The following HMX1 variants were observed in gnomAD, a reference collection of about 807,000 sequenced individuals.
The protein encoded by HMX1 is H6 family homeobox 1.
HMX1 carries 8 observed loss-of-function variants against 8.9 expected under a neutral mutation model. The observed-to-expected ratio is 0.90, with a 90% CI of 0.53 to 1.63. The LOEUF (loss-of-function observed/expected upper bound fraction) is 1.63. Ranked by LOEUF, HMX1 falls within the 40% of genes most tolerant of loss-of-function variation. The pLI is 0.00. For missense variants in HMX1, 621 were observed against 558.5 expected (o/e 1.11, Z -1.13); for synonymous variants, 311 against 283.4 (o/e 1.10, Z -0.98).
At chr4:8,850,581 C>A (rs1721416189) in intron 1 of HMX1, among the ~76,000 whole-genome samples, 1 of 152,196 alleles carries the variant, frequency 6.6e-6, no homozygotes, top group African/African-American at 2.4e-5. Flanking sequence ...AGCATCCGCA[C>A]CTCACCCCAC....
rs1309415860 is a variant in HMX1 at position 8,847,283 on chromosome 4, AT to A, written c.395-960del. On this transcript the variant is annotated intron_variant, in intron 1 of 1. Coordinates refer to the HMX1 transcript ENST00000506970. This position sits in a 1 kb window ranked among gnomAD's most constrained non-coding sequence, Gnocchi z 6.0. ...ACTCTGTCTTTAAAAATTAAAAAAA[AT>A]AATAATTTAATTTAATTTAAAAAGC... 1.3e-5 allele frequency among the ~76,000 whole-genome samples: 2 copies of A among 152,166 alleles called. No homozygotes were observed. Among genetic ancestry groups the A allele is most frequent in the South Asian group, 2.1e-4 (1 of 4,828 alleles).
Position 8,868,026 on chromosome 4 carries a change from G to A in HMX1, c.714C>T (p.Ala238=), listed in dbSNP as rs541897294. ...CCTGCGTCTCGGTGAGCTGCAGGGA[G>A]GCGGCCAGGCCGGCGCGCTCGGCGC... ...LSSAERAGLA[A]SLQLTETQVK... The change falls in exon 2 of 2, where the codon GCC becomes GCT. Residue 238 remains alanine (A), a synonymous_variant. Coordinates refer to ENST00000400677, the MANE Select transcript of HMX1 (RefSeq NM_018942.3). This position sits in a 1 kb window ranked among gnomAD's most constrained non-coding sequence, Gnocchi z 4.6. 2.1e-3 allele frequency: 3,234 copies of A among 1,541,158 alleles called. 7 individuals are homozygous for A. The highest frequency in any genetic ancestry group is 2.6e-3 in the Non-Finnish European group (3,011 of 1,145,150).
chr4:8,862,023 T>C (rs1577197429), intron 1 of HMX1, among the ~76,000 whole-genome samples: 1 of 152,186 alleles, frequency 6.6e-6, no homozygotes, highest in Non-Finnish European at 1.5e-5. Flanking sequence ...TCCTCCCTGA[T>C]ATGTCCTCGA....
At chr4:8,862,998 T>G (rs973148533), downstream of HMX1, among the ~76,000 whole-genome samples, 6 of 152,224 alleles carry the variant, frequency 3.9e-5, no homozygotes, top group Admixed American at 3.9e-4. Context: ...TGATCCGCCT[T>G]GGGGACCTGG....
intron 1 of HMX1, among the ~76,000 whole-genome samples, chr4:8,861,053 C>A (rs1035205453): frequency 6.6e-6 from 1 of 151,334 alleles, no homozygotes; most frequent in Non-Finnish European, 1.5e-5. Flanking sequence ...CCCGGGCGGC[C>A]GGAGACGGTG....
At chr4:8,861,003 A>AG (rs1721791370) in intron 1 of HMX1, among the ~76,000 whole-genome samples, 1 of 24,896 alleles carries the variant, frequency 4.0e-5, no homozygotes. Flanking sequence ...AACCGCGGGG[A>AG]GGGGGCGGGG....
At chr4:8,859,873 G>A (rs183633779) in intron 1 of HMX1, among the ~76,000 whole-genome samples, 13 of 152,356 alleles carry the variant, frequency 8.5e-5, no homozygotes, top group East Asian at 1.9e-4. Flanking sequence ...CCATTCCAGA[G>A]CAGGCGCGGG....
At chr4:8,866,996 C>G (rs950564446), downstream of HMX1, 1 of 883,152 alleles carries the variant, frequency 1.1e-6, no homozygotes, top group African/African-American at 1.8e-5. Context: ...GGGACGGCAC[C>G]CAGCGCAGCT....
intron 1 of HMX1, among the ~76,000 whole-genome samples, chr4:8,860,256 C>G (rs573534697): frequency 3.9e-5 from 6 of 152,180 alleles, no homozygotes; most frequent in African/African-American, 9.7e-5. Flanking sequence ...CCGCTGGGAC[C>G]GATATACTGC....
downstream of HMX1, among the ~76,000 whole-genome samples, chr4:8,862,855 G>T (rs1005147535): frequency 6.6e-6 from 1 of 152,150 alleles, no homozygotes; most frequent in Non-Finnish European, 1.5e-5. Flanking sequence ...TGTTCTCGGC[G>T]CCCGATCCTG....
chr4:8,849,820 G>A lies in HMX1; in HGVS notation c.395-3496C>T, dbSNP rs1452594518. ...AGCTGGAACAGCCCCTCCGGGCATC[G>A]GGTGTGGTCTGCCATTTGTCATTTA... On this transcript the variant is annotated intron_variant, in intron 1 of 1. Coordinates refer to the HMX1 transcript ENST00000506970. This position sits in a 1 kb window ranked among gnomAD's most constrained non-coding sequence, Gnocchi z 6.6. Among the ~76,000 whole-genome samples the A allele has an allele frequency of 6.6e-6, 1 of 152,298 alleles. No homozygotes were observed. Among genetic ancestry groups the A allele is most frequent in the South Asian group, 2.1e-4 (1 of 4,828 alleles).
chr4:8,870,617 G>T lies in HMX1; in HGVS notation c.394+604C>A, dbSNP rs949311607. ...CACAGAGGAAACAGGACTCTGGGGG[G>T]GCACAGCTGCCATGTTAGATGGCTC... On this transcript the variant is annotated intron_variant, in intron 1 of 1. Transcript: ENST00000400677. This position sits in a 1 kb window ranked among gnomAD's most constrained non-coding sequence, Gnocchi z 4.4. Among the ~76,000 whole-genome samples the T allele has an allele frequency of 3.3e-5, 5 of 152,100 alleles. No individual in the cohort carries two copies. Among genetic ancestry groups the T allele is most frequent in the African/African-American group, 7.2e-5 (3 of 41,422 alleles).
At chr4:8,860,276 G>C (rs959579054) in intron 1 of HMX1, among the ~76,000 whole-genome samples, 1 of 152,224 alleles carries the variant, frequency 6.6e-6, no homozygotes, top group Admixed American at 6.5e-5. Context: ...CAGGAGTCCG[G>C]GCACAGGCTG....
In HMX1 at chr4:8,868,926, TAGG is replaced by T. The variant is rs750893814; in HGVS notation, c.395-584_395-582del. Among the ~76,000 whole-genome samples the T allele has an allele frequency of 5.2e-4, 79 of 152,124 alleles. No individual in the cohort carries two copies. The highest frequency in any genetic ancestry group is 6.8e-3 in the Middle Eastern group (2 of 292). On this transcript the variant is annotated intron_variant, in intron 1 of 1. Coordinates refer to ENST00000400677, the MANE Select transcript of HMX1 (RefSeq NM_018942.3). The surrounding 1 kb of genome is among the most constrained non-coding windows in gnomAD (Gnocchi z 4.6). ...CCGCTTGCACAGAAACATTCCATAG[TAGG>T]AGGACAAACCAATGCAAAGGATCCC...
chr4:8,857,437 C>T (rs1432638765), intron 1 of HMX1, among the ~76,000 whole-genome samples: 1 of 152,180 alleles, frequency 6.6e-6, no homozygotes, highest in Non-Finnish European at 1.5e-5. Flanking sequence ...CTTCCTCCTT[C>T]CCCCGCGGCT....
downstream of HMX1, among the ~76,000 whole-genome samples, chr4:8,865,774 G>C (rs1721976066): frequency 6.6e-6 from 1 of 152,120 alleles, no homozygotes; most frequent in Non-Finnish European, 1.5e-5. Context: ...TAGTTTTATT[G>C]AGGCCTAACC....
chr4:8,852,589 T>C (rs1287389834), intron 1 of HMX1, among the ~76,000 whole-genome samples: 4 of 152,202 alleles, frequency 2.6e-5, no homozygotes, highest in African/African-American at 9.6e-5. Context: ...CCCACCCCTG[T>C]GTCTGAGCTC....
chr4:8,854,558 T>C (rs1721553226), intron 1 of HMX1, among the ~76,000 whole-genome samples: 1 of 152,222 alleles, frequency 6.6e-6, no homozygotes, highest in African/African-American at 2.4e-5. Context: ...GCCTGCTCCC[T>C]GTGGAATCTG....
At chr4:8,860,130 C>G (rs1317190905) in intron 1 of HMX1, among the ~76,000 whole-genome samples, 1 of 152,244 alleles carries the variant, frequency 6.6e-6, no homozygotes, top group African/African-American at 2.4e-5. Context: ...GGCCCTGGTG[C>G]CTGGACACCC....
Sources: allele counts gnomAD v4.1 joint callset (sites outside exome capture counted in the v4.1 genomes callset), GRCh38; gene constraint gnomAD v4.1.1; non-coding constraint Gnocchi (gnomAD v3.1); transcripts MANE v1.5; gene names NCBI Gene and HGNC (gene_info 2026-07-23, HGNC 2026-07-21).